The following FAM184A variants were observed in gnomAD, a reference collection of about 807,000 sequenced individuals.
FAM184A encodes family with sequence similarity 184 member A.
FAM184A carries 99 observed loss-of-function variants against 143.8 expected under a neutral mutation model. The ratio of observed to expected loss-of-function variants is 0.69; its 90% CI spans 0.58 to 0.81. FAM184A has a LOEUF of 0.81. Among genes scored for constraint, FAM184A ranks in the 40% least tolerant of loss-of-function variants. The pLI, the probability that FAM184A is intolerant of heterozygous loss-of-function variation, is 0.00. For missense variants in FAM184A, 1,217 were observed against 1,310.5 expected, an observed-to-expected ratio of 0.93 and a Z score of 1.10; for synonymous variants, 427 against 446.4, an observed-to-expected ratio of 0.96 and a Z score of 0.55.
At chr6:118,988,518 G>A (rs1011729211) in intron 9 of FAM184A, among the ~76,000 whole-genome samples, 2 of 152,126 alleles carry the variant, frequency 1.3e-5, no homozygotes, top group Admixed American at 6.5e-5. Context: ...GTAGGTTCAC[G>A]GAGAATTTCT....
chr6:118,969,993 A>ATATAAAAT (rs1189865476), intron 14 of FAM184A, among the ~76,000 whole-genome samples: 3 of 24,372 alleles, frequency 1.2e-4, no homozygotes, highest in East Asian at 2.0e-3. Flanking sequence ...ATATATATAT[A>ATATAAAAT]ATATATATAT....
intron 1 of FAM184A, among the ~76,000 whole-genome samples, chr6:119,098,406 T>C (rs2114830460): frequency 6.6e-6 from 1 of 152,204 alleles, no homozygotes; most frequent in South Asian, 2.1e-4. Context: ...GTAAAGAAAA[T>C]CAGGCAGCTC....
Position 118,964,693 on chromosome 6 carries a change from C to CTTGAGATTAATAACTCA in FAM184A, c.3111_3112insTGAGTTATTAATCTCAA (p.Val1038Ter). ...TTAGCCAATGGATTAATAACACCAA[C>CTTGAGATTAATAACTCA]AGTAGGACTTGAGTTAAACACTTTG... On this transcript the variant is annotated stop_gained and frameshift_variant, in exon 16 of 18. Transcript: ENST00000338891. LOFTEE classifies it high-confidence loss of function. The CTTGAGATTAATAACTCA allele has an allele frequency of 6.2e-7, 1 of 1,604,662 alleles. No individual in the cohort carries two copies. The highest frequency in any genetic ancestry group is 1.1e-5 in the South Asian group (1 of 90,526).
Position 119,016,788 on chromosome 6 carries a change from C to T in FAM184A, c.1489G>A (p.Val497Ile). ...AWKHHMAIEAVHSNAIRDKKK... is the reference protein window; with the variant it reads ...AWKHHMAIEAIHSNAIRDKKK... ...TTATCCCTAATTGCATTACTGTGGACAGCTTCAATTGCCATATGGTGCTTC... is the reference window on the plus strand; with the variant it reads ...TTATCCCTAATTGCATTACTGTGGATAGCTTCAATTGCCATATGGTGCTTC... Residue 497 changes from valine to isoleucine, a missense_variant, in exon 5 of 18, where the codon GTC (valine) becomes ATC (isoleucine). Transcript: ENST00000338891. 3.1e-6 allele frequency: 5 copies of T among 1,614,162 alleles called. No homozygotes were observed. Among genetic ancestry groups the T allele is most frequent in the Non-Finnish European group, 4.2e-6 (5 of 1,180,026 alleles).
intron 16 of FAM184A, chr6:118,963,097 T>C (rs1041287060): frequency 6.6e-6 from 1 of 152,100 alleles, no homozygotes; most frequent in African/African-American, 2.4e-5. Flanking sequence ...TCAGAACTAT[T>C]TGTGAAAACT....
At chr6:119,148,279 C>G (rs1432162844) in intron 1 of FAM184A, among the ~76,000 whole-genome samples, 1 of 152,178 alleles carries the variant, frequency 6.6e-6, no homozygotes, top group Non-Finnish European at 1.5e-5. Flanking sequence ...GAATGCCTGT[C>G]TTCTTCTAAG....
chr6:119,143,727 C>T lies in FAM184A; in HGVS notation c.-202+5351G>A, dbSNP rs574794380. The stretch of plus-strand genomic sequence containing the variant: ...CAGTCACAAAAGGACACACACTGTA[C>T]GATCCCACTTGGATGAGAGGCATCT... On this transcript the variant is annotated intron_variant, in intron 1 of 16. Coordinates refer to the FAM184A transcript ENST00000352896. Among the ~76,000 whole-genome samples the T allele has an allele frequency of 6.6e-5, 10 of 152,276 alleles. No individual in the cohort carries two copies. In the South Asian group the frequency reaches 8.3e-4, roughly 13 times the overall value.
intron 9 of FAM184A, among the ~76,000 whole-genome samples, chr6:118,993,934 A>G (rs1784460135): frequency 6.6e-6 from 1 of 152,204 alleles, no homozygotes; most frequent in South Asian, 2.1e-4. Context: ...AACAAGGCAA[A>G]GAAGGCCTGG....
chr6:119,018,218 G>C (rs1785330166), intron 4 of FAM184A, among the ~76,000 whole-genome samples: 1 of 152,228 alleles, frequency 6.6e-6, no homozygotes, highest in Non-Finnish European at 1.5e-5. Context: ...GTGTTTCAGA[G>C]AGAGAGAGAC....
At chr6:118,994,734 T>TAAAA (rs199779949) in intron 9 of FAM184A, among the ~76,000 whole-genome samples, 17 of 92,204 alleles carry the variant, frequency 1.8e-4, no homozygotes, top group African/African-American at 4.8e-4. Context: ...AATAAATAAA[T>TAAAA]AAAAAGCCAG....
rs546356945 is a variant in FAM184A, at chr6:119,132,774, G to C, written c.-202+16304C>G. Among the ~76,000 whole-genome samples, 3 of 152,330 alleles carry C rather than the reference G, an allele frequency of 2.0e-5. No homozygotes were observed. The East Asian group carries it at 5.8e-4, about 29-fold the overall frequency. On this transcript the variant is annotated intron_variant, in intron 1 of 16. Coordinates refer to the FAM184A transcript ENST00000352896. ...GCTGCAAATTCTTGGAAGTTGGCAC[G>C]TGAGGTGAAATCTACTTATTAGCCT...
chr6:119,145,722 G>A (rs1226581465), intron 1 of FAM184A, among the ~76,000 whole-genome samples: 1 of 152,184 alleles, frequency 6.6e-6, no homozygotes, highest in African/African-American at 2.4e-5. Flanking sequence ...GAAGAGTTAT[G>A]CACCAGTGAC....
At chr6:119,096,778 T>C (rs1031414581) in intron 1 of FAM184A, among the ~76,000 whole-genome samples, 3 of 152,196 alleles carry the variant, frequency 2.0e-5, no homozygotes, top group African/African-American at 2.4e-5. Context: ...AACACACTTT[T>C]GTCTCTCCTA....
At chr6:119,010,872 C>T (rs1355443972) in intron 6 of FAM184A, among the ~76,000 whole-genome samples, 3 of 152,128 alleles carry the variant, frequency 2.0e-5, no homozygotes, top group Non-Finnish European at 1.5e-5. Context: ...GCTCTAACTT[C>T]CCTCTTTTCT....
At position 119,023,052 on chromosome 6, in the gene FAM184A, T is replaced by G. The variant is rs754392640; in HGVS notation, c.1043A>C (p.Lys348Thr). The G allele has an allele frequency of 6.2e-7, 1 of 1,614,168 alleles. No homozygotes were observed. The highest frequency in any genetic ancestry group is 8.5e-7 in the Non-Finnish European group (1 of 1,180,022). ...GCTTAATAGGGCCATTTCTCCCTCC[T>G]TGGCATCATCAAGCTGTTTTTGAAG... is the stretch of plus-strand genomic sequence containing the variant. ...QVLQKQLDDA[K>T]EGEMALLSKH... Residue 348 changes from lysine (K) to threonine (T), a missense_variant, in exon 3 of 18, where the codon AAG (lysine) becomes ACG (threonine). By Grantham distance (78) the Lys-to-Thr change is moderately conservative (BLOSUM62 -1). Transcript: ENST00000338891.
chr6:119,071,296 A>T (rs143026487), intron 1 of FAM184A, among the ~76,000 whole-genome samples: 426 of 152,342 alleles, frequency 2.8e-3, no homozygotes, highest in Non-Finnish European at 5.1e-3. Context: ...TCTAAGCAAC[A>T]ATCTAATCAA....
At chr6:119,107,792 A>AAAGAAAG (rs1554197046) in intron 1 of FAM184A, among the ~76,000 whole-genome samples, 18 of 136,492 alleles carry the variant, frequency 1.3e-4, no homozygotes, top group African/African-American at 4.3e-4. Flanking sequence ...AAAAAAAAAA[A>AAAGAAAG]AAAGAAAGAA....
chr6:119,091,491 G>C (rs1022434448), intron 1 of FAM184A, among the ~76,000 whole-genome samples: 5 of 152,180 alleles, frequency 3.3e-5, no homozygotes, highest in Non-Finnish European at 7.3e-5. Flanking sequence ...GGATACTGTG[G>C]TATATGGTAG....
chr6:119,076,524 A>G (rs113862775), intron 1 of FAM184A, among the ~76,000 whole-genome samples: 1 of 152,220 alleles, frequency 6.6e-6, no homozygotes, highest in South Asian at 2.1e-4. Context: ...ATAAAAGAAC[A>G]GGAAACTGAA....
Sources: gnomAD v4.1 joint callset for allele counts (sites outside exome capture counted in the v4.1 genomes callset) on GRCh38, gnomAD v4.1.1 for gene constraint, MANE v1.5 for transcripts, NCBI Gene and HGNC (gene_info 2026-07-23, HGNC 2026-07-21) for gene names.